PDE3A: variants seen among roughly 807,000 people sequenced by gnomAD.
The protein encoded by PDE3A is cGMP-inhibited 3',5'-cyclic phosphodiesterase 3A.
PDE3A carries 43 observed loss-of-function variants against 98.3 expected under a neutral mutation model. The observed-to-expected ratio is 0.44, with a 90% confidence interval of 0.34 to 0.56. The LOEUF is 0.56. PDE3A is among the 20% of genes least tolerant of loss of function. The probability of loss-of-function intolerance (pLI) is 0.01; values close to 1 mark genes in which losing one functional copy is unlikely to be tolerated. For synonymous variants in PDE3A, 663 were observed against 567.9 expected, an observed-to-expected ratio of 1.17 and a Z score of -2.38; for missense variants, 1,427 against 1,440.7, an observed-to-expected ratio of 0.99 and a Z score of 0.15.
At chr12:20,660,776 G>A (rs1363360843) in intron 15 of PDE3A, among the ~76,000 whole-genome samples, 3 of 152,196 alleles carry the variant, frequency 2.0e-5, no homozygotes, top group African/African-American at 7.2e-5. Flanking sequence ...GGAACTGTGA[G>A]TGAGTGCTCA....
rs139022183 is a variant in PDE3A, at chr12:20,637,991, A to C, written c.2139+754A>C. Among the ~76,000 whole-genome samples the C allele has an allele frequency of 3.2e-3, 485 of 152,322 alleles. 4 individuals are homozygous for C. The highest frequency in any genetic ancestry group is 0.011 in the African/African-American group (458 of 41,590). Reference sequence around the variant, plus strand: ...GTATCAGCTTATCTTCACATGTTTTAGGTGTATTCTTATAAATTTGAATAA... The same window carrying C: ...GTATCAGCTTATCTTCACATGTTTTCGGTGTATTCTTATAAATTTGAATAA... On this transcript the variant is annotated intron_variant, in intron 9 of 15. Transcript: ENST00000359062.
intron 1 of PDE3A, among the ~76,000 whole-genome samples, chr12:20,454,268 T>C (rs1204817400): frequency 6.6e-6 from 1 of 152,218 alleles, no homozygotes; most frequent in Non-Finnish European, 1.5e-5. Context: ...ACACATAGAT[T>C]ATTTTTTCAC....
chr12:20,432,360 G>A (rs1233485886), intron 1 of PDE3A, among the ~76,000 whole-genome samples: 2 of 152,166 alleles, frequency 1.3e-5, no homozygotes, highest in Admixed American at 6.5e-5. Flanking sequence ...TATGCAAGAT[G>A]AGTAAGTTCT....
intron 15 of PDE3A, among the ~76,000 whole-genome samples, chr12:20,674,962 T>A (rs1214231793): frequency 1.3e-5 from 2 of 152,054 alleles, no homozygotes; most frequent in African/African-American, 4.8e-5. Flanking sequence ...CTTTATTATT[T>A]CTTTTATTCT....
At chr12:20,406,096 CAT>C (rs1351368626) in intron 1 of PDE3A, among the ~76,000 whole-genome samples, 2 of 152,198 alleles carry the variant, frequency 1.3e-5, no homozygotes, top group Admixed American at 1.3e-4. Flanking sequence ...CACACACATA[CAT>C]ATACACACAT....
In PDE3A at chr12:20,646,966, T is replaced by G. The variant is rs756461316; in HGVS notation, c.2565+16T>G. 1.3e-5 allele frequency: 20 copies of G among 1,578,538 alleles called. No homozygotes were observed. The highest frequency in any genetic ancestry group is 1.7e-5 in the Non-Finnish European group (20 of 1,148,662). ...TGCTCCTCAGGTAAATCTTTAGATT[T>G]TGGTTAGGAGAACTAATTTAAAGAT... On this transcript the variant is annotated intron_variant, in intron 12 of 15. Coordinates refer to ENST00000359062, the MANE Select transcript of PDE3A (RefSeq NM_000921.5).
chr12:20,645,037 C>A (rs1944743503), intron 10 of PDE3A, among the ~76,000 whole-genome samples: 1 of 151,790 alleles, frequency 6.6e-6, no homozygotes, highest in Non-Finnish European at 1.5e-5. Context: ...TACAGGTGCC[C>A]ACCACCACGC....
chr12:20,515,029 C>T lies in PDE3A; in HGVS notation c.961-41631C>T, dbSNP rs566461872. 3.3e-5 allele frequency among the ~76,000 whole-genome samples: 5 copies of T among 152,206 alleles called. No homozygotes were observed. In the South Asian group the frequency reaches 1.0e-3, roughly 32 times the overall value. ...GCTGCATCATCACATGGCAGAAGGG[C>T]AAAGAAAGGGCAAGAGGGGGCCGAA... On this transcript the variant is annotated intron_variant, in intron 1 of 15. Transcript: ENST00000359062.
chr12:20,475,682 A>C (rs968656930), intron 1 of PDE3A, among the ~76,000 whole-genome samples: 1 of 152,082 alleles, frequency 6.6e-6, no homozygotes, highest in Admixed American at 6.6e-5. Flanking sequence ...GTGAGCCGAG[A>C]TGATGCCAGT....
chr12:20,601,765 CTTT>C (rs146826408), intron 2 of PDE3A, among the ~76,000 whole-genome samples: 5 of 148,520 alleles, frequency 3.4e-5, no homozygotes, highest in Admixed American at 3.4e-4. Context: ...TCTTTTTTAG[CTTT>C]TTTTTTTGTT....
Position 20,646,575 on chromosome 12 carries a change from T to A in PDE3A, c.2337T>A (p.Ile779=). ...CTATTCCAGGCCTCTCAACTGTGAT[T>A]AATGATCATGGTTCAACCAGTGATT... ...TQPIPGLSTV[I]NDHGSTSDSD... Residue 779 remains isoleucine (I), a synonymous_variant, in exon 11 of 16, where the codon ATT becomes ATA. Transcript: ENST00000359062. 6.2e-7 allele frequency: 1 copy of A among 1,601,184 alleles called. No homozygotes were observed. The highest frequency in any genetic ancestry group is 1.1e-5 in the South Asian group (1 of 90,838).
At chr12:20,588,147 T>A (rs555394103) in intron 2 of PDE3A, among the ~76,000 whole-genome samples, 1 of 152,286 alleles carries the variant, frequency 6.6e-6, no homozygotes, top group South Asian at 2.1e-4. Context: ...GGCAGTTGTT[T>A]TTCTGTGCCT....
At chr12:20,498,569 A>T (rs1462794685) in intron 1 of PDE3A, among the ~76,000 whole-genome samples, 1 of 152,198 alleles carries the variant, frequency 6.6e-6, no homozygotes, top group African/African-American at 2.4e-5. Flanking sequence ...ACCATTTTAT[A>T]TCAGGGACTT....
intron 1 of PDE3A, among the ~76,000 whole-genome samples, chr12:20,475,835 G>A (rs895228834): frequency 1.8e-4 from 28 of 152,078 alleles, no homozygotes; most frequent in African/African-American, 3.6e-4. Flanking sequence ...GAAACAGGCC[G>A]TACCCCTAAG....
rs117783377 is a variant in PDE3A, at chr12:20,586,694, G to A, written c.1012-26749G>A. ...TAAAGGTTATTGTTAATATTAGAAT[G>A]TTTAACTTTTTTTAAACAAAAAGTG... On this transcript the variant is annotated intron_variant, in intron 2 of 15. Coordinates refer to ENST00000359062, the MANE Select transcript of PDE3A (RefSeq NM_000921.5). Among the ~76,000 whole-genome samples, 915 of 152,280 alleles carry A rather than the reference G, an allele frequency of 6.0e-3. 27 individuals carry two copies. Among genetic ancestry groups the A allele is most frequent in the East Asian group, 0.046 (240 of 5,182 alleles).
At chr12:20,592,499 C>G (rs973060781) in intron 2 of PDE3A, among the ~76,000 whole-genome samples, 1 of 152,080 alleles carries the variant, frequency 6.6e-6, no homozygotes. Context: ...CTAGTGTTTT[C>G]CAATGATGTA....
chr12:20,553,794 C>T (rs780836607), intron 1 of PDE3A, among the ~76,000 whole-genome samples: 2 of 152,172 alleles, frequency 1.3e-5, no homozygotes, highest in African/African-American at 2.4e-5. Flanking sequence ...GCCTTTGATT[C>T]GTTCCTTCTT....
chr12:20,415,577 A>G (rs1449142695), intron 1 of PDE3A, among the ~76,000 whole-genome samples: 3 of 151,994 alleles, frequency 2.0e-5, no homozygotes, highest in Admixed American at 1.3e-4. Flanking sequence ...AGCTGGGCTT[A>G]TAGGCACCCG....
At chr12:20,649,913 C>T (rs1463096576) in intron 13 of PDE3A, among the ~76,000 whole-genome samples, 2 of 151,400 alleles carry the variant, frequency 1.3e-5, no homozygotes, top group African/African-American at 4.9e-5. Flanking sequence ...AGAGAGAGGG[C>T]AAGACTCTGT....
Sources: allele counts gnomAD v4.1 joint callset (sites outside exome capture counted in the v4.1 genomes callset), GRCh38; gene constraint gnomAD v4.1.1; transcripts MANE v1.5; gene names NCBI Gene and HGNC (gene_info 2026-07-23, HGNC 2026-07-21).